Variants in DNM2 observed in about 807,000 individuals in gnomAD.
DNM2 encodes dynamin-2.
DNM2 carries 15 observed loss-of-function variants against 99.0 expected under a neutral mutation model. The observed-to-expected ratio is 0.15, with a 90% CI of 0.10 to 0.23. The LOEUF is 0.23. DNM2 is among the 10% of genes least tolerant of loss of function. The pLI is 1.00. For synonymous variants in DNM2, 525 were observed against 481.2 expected (o/e 1.09, Z -1.19); for missense variants, 742 against 1,189.4 (o/e 0.62, Z 5.53).
chr19:10,824,173 T>C (rs1247125595), intron 17 of DNM2: 1 of 474,464 alleles, frequency 2.1e-6, no homozygotes, highest in East Asian at 4.1e-5. Flanking sequence ...CATCCTGAGG[T>C]AGAGTGAACA....
intron 1 of DNM2, among the ~76,000 whole-genome samples, chr19:10,758,279 CTCCCTCCT>C (rs2070471432): frequency 8.2e-6 from 1 of 122,086 alleles, no homozygotes; most frequent in Admixed American, 8.1e-5. Context: ...CCTTCCTTCC[CTCCCTCCT>C]TCCTTCCCTC....
At chr19:10,730,516 A>T (rs1055027462) in intron 1 of DNM2, among the ~76,000 whole-genome samples, 2 of 152,004 alleles carry the variant, frequency 1.3e-5, no homozygotes, top group African/African-American at 4.8e-5. Flanking sequence ...AATGGAGTGA[A>T]TTTCACTGCA....
Position 10,775,583 on chromosome 19 carries a change from G to A in DNM2, c.386-120G>A. 9.2e-7 allele frequency: 1 copy of A among 1,091,216 alleles called. No homozygotes were observed. Among genetic ancestry groups the A allele is most frequent in the Non-Finnish European group, 1.4e-6 (1 of 711,204 alleles). 67.6% of individuals were successfully genotyped at this position (1,091,216 alleles called of 1,614,324 possible). On this transcript the variant is annotated intron_variant, in intron 3 of 20. Transcript: ENST00000389253. This position sits in a 1 kb window ranked among gnomAD's most constrained non-coding sequence, Gnocchi z 4.3. ...AGGTGTGGTTCAGGCAGAGTGTCAG[G>A]CGACATCCTCAAGTCTGAGCCCCGC...
rs541362466 is a variant in DNM2 at position 10,812,623 on chromosome 19, C to T, written c.1671+246C>T. Among the ~76,000 whole-genome samples, 1 of 152,226 alleles carries T rather than the reference C, an allele frequency of 6.6e-6. No homozygotes were observed. Among genetic ancestry groups the T allele is most frequent in the Non-Finnish European group, 1.5e-5 (1 of 68,008 alleles). ...CCAACATGATGAAACCCCGTCTCTA[C>T]TAAAATTGCAAAAATTAGCCAGGAG... On this transcript the variant is annotated intron_variant, in intron 15 of 20. Coordinates refer to ENST00000389253, the MANE Select transcript of DNM2 (RefSeq NM_001005361.3). This position sits in a 1 kb window ranked among gnomAD's most constrained non-coding sequence, Gnocchi z 4.0.
At chr19:10,813,828 A>AAG (rs1037464368) in intron 15 of DNM2, among the ~76,000 whole-genome samples, 14 of 131,948 alleles carry the variant, frequency 1.1e-4, no homozygotes, top group East Asian at 4.7e-4. Context: ...ACTGTCTCAA[A>AAG]AAAAAAAAAA....
chr19:10,827,207 A>G (rs1568322999), intron 18 of DNM2, among the ~76,000 whole-genome samples: 2 of 152,130 alleles, frequency 1.3e-5, no homozygotes, highest in African/African-American at 4.8e-5. Flanking sequence ...TACCGATAGG[A>G]TCGGAGACAT....
intron 1 of DNM2, among the ~76,000 whole-genome samples, chr19:10,745,236 C>T (rs1399601231): frequency 6.6e-6 from 1 of 152,196 alleles, no homozygotes; most frequent in Non-Finnish European, 1.5e-5. Flanking sequence ...CATTGCTCCC[C>T]GGACTAGCTC....
At chr19:10,783,571 T>G (rs2071445745) in intron 6 of DNM2, among the ~76,000 whole-genome samples, 1 of 152,182 alleles carries the variant, frequency 6.6e-6, no homozygotes, top group Non-Finnish European at 1.5e-5. Context: ...ATCACTGTTA[T>G]TATTACCAAA....
At position 10,799,983 on chromosome 19, in the gene DNM2, A is replaced by T. The variant is rs577919097; in HGVS notation, c.1422+1411A>T. Among the ~76,000 whole-genome samples, 29 of 152,002 alleles carry T rather than the reference A, an allele frequency of 1.9e-4. No individual in the cohort carries two copies. The East Asian group carries it at 5.6e-3, about 29-fold the overall frequency. ...CTGCAGCCGCAGCCTCAGCCTCCCA[A>T]GTAGCTGGGACTATAGGCGTGAGCT... On this transcript the variant is annotated intron_variant, in intron 11 of 20. Coordinates refer to ENST00000389253, the MANE Select transcript of DNM2 (RefSeq NM_001005361.3).
chr19:10,761,783 C>G (rs1359915186), intron 2 of DNM2, among the ~76,000 whole-genome samples: 1 of 152,198 alleles, frequency 6.6e-6, no homozygotes, highest in Non-Finnish European at 1.5e-5. Flanking sequence ...CTTTCGTCCT[C>G]TGGCCCCGCC....
At chr19:10,805,542 G>A (rs2072301045) in intron 12 of DNM2, among the ~76,000 whole-genome samples, 1 of 152,166 alleles carries the variant, frequency 6.6e-6, no homozygotes, top group South Asian at 2.1e-4. Context: ...GACTGAGGCA[G>A]GGGAACTACT....
chr19:10,738,874 A>T (rs1271108731), intron 1 of DNM2, among the ~76,000 whole-genome samples: 2 of 148,530 alleles, frequency 1.3e-5, no homozygotes, highest in Non-Finnish European at 3.0e-5. Flanking sequence ...CCATCGCAAA[A>T]AAAAAAAAAA....
chr19:10,731,853 A>G (rs2069332444), intron 1 of DNM2, among the ~76,000 whole-genome samples: 1 of 152,142 alleles, frequency 6.6e-6, no homozygotes, highest in Admixed American at 6.5e-5. Flanking sequence ...GGTGGCCTGG[A>G]CAGGTTGCTG....
intron 7 of DNM2, among the ~76,000 whole-genome samples, chr19:10,791,032 A>G (rs540852852): frequency 3.3e-5 from 5 of 152,142 alleles, no homozygotes; most frequent in African/African-American, 1.2e-4. Context: ...CTTTCCAACT[A>G]TGAGATCGCA....
chr19:10,753,268 C>G (rs1040095978), intron 1 of DNM2, among the ~76,000 whole-genome samples: 2 of 152,086 alleles, frequency 1.3e-5, no homozygotes, highest in African/African-American at 4.8e-5. Flanking sequence ...TCAAAGATGT[C>G]GGAAAACATG....
chr19:10,806,351 C>A (rs187858830), intron 13 of DNM2, among the ~76,000 whole-genome samples: 257 of 151,900 alleles, frequency 1.7e-3, no homozygotes, highest in Non-Finnish European at 2.5e-3. Context: ...AAGACTCTGT[C>A]TCTACAAATA....
intron 1 of DNM2, 30 bp from the exon 2 acceptor site, chr19:10,759,708 G>A (rs2070551837): frequency 3.1e-6 from 5 of 1,613,936 alleles, no homozygotes; most frequent in Non-Finnish European, 4.2e-6. Flanking sequence ...GGACGCAAGA[G>A]TAATTTCTGT....
intron 15 of DNM2, among the ~76,000 whole-genome samples, chr19:10,813,838 A>G (rs542543842): frequency 1.3e-3 from 190 of 150,856 alleles, no homozygotes; most frequent in East Asian, 1.0e-2. Flanking sequence ...AAAAAAAAAA[A>G]AAGAAGAAGA....
chr19:10,734,476 GA>G (rs112687610), intron 1 of DNM2, among the ~76,000 whole-genome samples: 15,580 of 142,806 alleles, frequency 0.11, 1,248 homozygotes, highest in East Asian at 0.38. Context: ...CTCGTGTGTA[GA>G]AAAAAAAAAA....
Sources: gnomAD v4.1 joint callset for allele counts (sites outside exome capture counted in the v4.1 genomes callset) on GRCh38, gnomAD v4.1.1 for gene constraint, Gnocchi (gnomAD v3.1) non-coding constraint, MANE v1.5 for transcripts, NCBI Gene and HGNC (gene_info 2026-07-23, HGNC 2026-07-21) for gene names.